DSC1: variants seen among roughly 807,000 people sequenced by gnomAD.
DSC1 encodes desmocollin-1.
A neutral mutation model predicts 98.8 loss-of-function variants in DSC1; 79 were observed. The ratio of observed to expected loss-of-function variants is 0.80; its 90% CI spans 0.67 to 0.96. The LOEUF (loss-of-function observed/expected upper bound fraction) is 0.96. Among genes scored for constraint, DSC1 ranks in the 50% least tolerant of loss-of-function variants. DSC1 has a pLI of 0.00. For missense variants in DSC1, 1,115 were observed against 1,075.9 expected (o/e 1.04, Z -0.51); for synonymous variants, 405 against 372.1 (o/e 1.09, Z -1.02).
intron 5 of DSC1, among the ~76,000 whole-genome samples, chr18:31,152,733 A>G (rs1340013604): frequency 1.3e-5 from 2 of 152,100 alleles, no homozygotes; most frequent in African/African-American, 4.8e-5. Context: ...AAAGGAACAG[A>G]TACTTAGGAT....
rs1242177382 is a variant in DSC1, at chr18:31,134,083, A to G, written c.1924T>C (p.Tyr642His). ...TCTTTTATTTGAATAGGCACAGAAT[A>G]ATAGTTATAATCAAGATTTTGCCGT... ...RQRQNLDYNY[Y>H]SVPIQIKDRH... The change falls in exon 13 of 16, where the codon TAT (tyrosine) becomes CAT (histidine). Residue 642 changes from tyrosine (Y) to histidine (H), a missense_variant. Coordinates refer to ENST00000257198, the MANE Select transcript of DSC1 (RefSeq NM_024421.2). 9 of 1,609,662 alleles carry G rather than the reference A, an allele frequency of 5.6e-6. No homozygotes were observed. The highest frequency in any genetic ancestry group is 1.7e-5 in the Admixed American group (1 of 59,954).
At chr18:31,138,621 A>ATT (rs1988662622) in intron 11 of DSC1, among the ~76,000 whole-genome samples, 1 of 152,028 alleles carries the variant, frequency 6.6e-6, no homozygotes, top group Admixed American at 6.6e-5. Context: ...TGTTATTAAA[A>ATT]AAAAAAACAA....
chr18:31,140,407 AC>A (rs1176206444), intron 9 of DSC1, 106 bp from the exon 10 acceptor site: 1 of 1,260,192 alleles, frequency 7.9e-7, no homozygotes, highest in East Asian at 2.6e-5. Context: ...TTAAAATGTA[AC>A]CTAAAGTTAG....
intron 1 of DSC1, among the ~76,000 whole-genome samples, chr18:31,162,311 A>T (rs1989224774): frequency 6.6e-6 from 1 of 152,174 alleles, no homozygotes; most frequent in East Asian, 1.9e-4. Context: ...AAAACTTTTA[A>T]CACTCTGGCA....
chr18:31,155,464 T>C (rs575017491), intron 4 of DSC1, among the ~76,000 whole-genome samples: 1 of 151,592 alleles, frequency 6.6e-6, no homozygotes, highest in South Asian at 2.1e-4. Context: ...ACCTTGCCTC[T>C]ACTAAAAATA....
At chr18:31,146,723 G>T (rs545576417) in intron 6 of DSC1, among the ~76,000 whole-genome samples, 1 of 152,226 alleles carries the variant, frequency 6.6e-6, no homozygotes, top group Admixed American at 6.5e-5. Context: ...AAGTGTTCAT[G>T]GACCATTTTT....
In DSC1 at chr18:31,143,683, T is replaced by G; in HGVS notation, c.1048A>C (p.Asn350His). The G allele has an allele frequency of 6.3e-7, 1 of 1,589,630 alleles. No homozygotes were observed. The highest frequency in any genetic ancestry group is 8.6e-7 in the Non-Finnish European group (1 of 1,167,344). Reference sequence around the variant, plus strand: ...GAAGTTTCTGTGAAAGATGGTGGATTGTCATTTTCATCCTCAAGTGAAATA... The same window carrying G: ...GAAGTTTCTGTGAAAGATGGTGGATGGTCATTTTCATCCTCAAGTGAAATA... ...ITISLEDEND[N>H]PPSFTETSYV... The change falls in exon 8 of 16, where the codon AAT becomes CAT. Residue 350 changes from asparagine to histidine, a missense_variant. By Grantham distance (68) the Asn-to-His change is moderately conservative. Coordinates refer to ENST00000257198, the MANE Select transcript of DSC1 (RefSeq NM_024421.2).
In DSC1 at chr18:31,130,316, A is replaced by T. The variant is rs1988456120; in HGVS notation, c.*198T>A. On this transcript the variant is annotated 3_prime_UTR_variant, in exon 16 of 16. Transcript: ENST00000257198. ...TGCATATAAAAGAGAATTAACAAAC[A>T]AAACCTTGATTTCTAGAGAACATGG... 1 of 635,526 alleles carries T rather than the reference A, an allele frequency of 1.6e-6. No homozygotes were observed. The highest frequency in any genetic ancestry group is 1.8e-5 in the African/African-American group (1 of 54,430). The allele number at this position is 635,526 out of a possible 1,614,324, so 39.4% of individuals were successfully genotyped here. A position where few individuals can be genotyped will look rare whatever the true frequency, so the allele number is the denominator to read the frequency against.
rs747547503 is a variant in DSC1, at chr18:31,150,093, A to G, written c.628-1451T>C. ...CACCACCACCATCAGCAGCAGCTCC[A>G]TCATCATCATGACACTGCCATCACC... On this transcript the variant is annotated intron_variant, in intron 5 of 15. Coordinates refer to ENST00000257198, the MANE Select transcript of DSC1 (RefSeq NM_024421.2). 6.7e-3 allele frequency among the ~76,000 whole-genome samples: 1,006 copies of G among 150,994 alleles called. 4 individuals are homozygous for G. Among genetic ancestry groups the G allele is most frequent in the Non-Finnish European group, 0.011 (720 of 67,756 alleles).
chr18:31,161,927 C>T (rs1989216967), intron 1 of DSC1, among the ~76,000 whole-genome samples: 1 of 152,004 alleles, frequency 6.6e-6, no homozygotes, highest in African/African-American at 2.4e-5. Flanking sequence ...TGAAATAACC[C>T]CCCTCTCTTC....
intron 1 of DSC1, 99 bp downstream of exon 1, chr18:31,162,433 G>A: frequency 9.0e-7 from 1 of 1,109,764 alleles, no homozygotes; most frequent in Middle Eastern, 2.0e-4. Flanking sequence ...TCTCTTCTCT[G>A]CCTCCCATCC....
chr18:31,159,671 T>G (rs1598633093), intron 1 of DSC1, 142 bp from the exon 2 acceptor site: 3 of 799,472 alleles, frequency 3.8e-6, no homozygotes, highest in East Asian at 2.8e-5. Context: ...AATACTCACT[T>G]TAAAAGGAAC....
rs1260595195 is a variant in DSC1, at chr18:31,132,619, G to A, written c.2187C>T (p.Ala729=). The A allele has an allele frequency of 3.7e-6, 6 of 1,613,356 alleles. No homozygotes were observed. The highest frequency in any genetic ancestry group is 5.1e-6 in the Non-Finnish European group (6 of 1,179,628). Residue 729 remains alanine, a synonymous_variant, in exon 14 of 16, where the codon GCC becomes GCT. Coordinates refer to ENST00000257198, the MANE Select transcript of DSC1 (RefSeq NM_024421.2). ...TATTTGATACAATTAAATTTTGCTG[G>A]GCTATGTCTTCTGGAAAACATTTCT... ...TVKKCFPEDI[A]QQNLIVSNTE... is the part of the protein sequence containing the mutation.
rs1353795462 is a variant in DSC1, at chr18:31,132,782, T to A, written c.2117-93A>T. The A allele has an allele frequency of 2.5e-6, 3 of 1,207,564 alleles. No homozygotes were observed. In the African/African-American group the frequency reaches 4.6e-5, roughly 18 times the overall value. The allele number at this position is 1,207,564 out of a possible 1,614,324, so 74.8% of individuals were successfully genotyped here. A position where few individuals can be genotyped will look rare whatever the true frequency, so the allele number is the denominator to read the frequency against. The stretch of plus-strand genomic sequence containing the variant: ...TCTTCTTGCATATGTCTCAAAAAAT[T>A]CATTCCACAAATTGAGCTCTTCAGG... On this transcript the variant is annotated intron_variant, in intron 13 of 15. Coordinates refer to ENST00000257198, the MANE Select transcript of DSC1 (RefSeq NM_024421.2).
chr18:31,148,957 C>T (rs1304436980), intron 5 of DSC1, among the ~76,000 whole-genome samples: 1 of 152,088 alleles, frequency 6.6e-6, no homozygotes, highest in African/African-American at 2.4e-5. Context: ...GTCATTAACA[C>T]GTGTTTTTAA....
chr18:31,146,282 T>C (rs1251947049), intron 6 of DSC1, among the ~76,000 whole-genome samples: 15 of 152,162 alleles, frequency 9.9e-5, no homozygotes, highest in Admixed American at 9.8e-4. Flanking sequence ...TGTTCCCATT[T>C]TTGTGTCTAT....
chr18:31,131,698 C>T lies in DSC1; in HGVS notation c.2383G>A (p.Gly795Ser), dbSNP rs765405596. 12 of 1,614,106 alleles carry T rather than the reference C, an allele frequency of 7.4e-6. No homozygotes were observed. Among genetic ancestry groups the T allele is most frequent in the South Asian group, 2.2e-5 (2 of 91,076 alleles). The part of the protein sequence containing the change: ...GGYTLDSNKG[G>S]GHQTLESVKG... The stretch of plus-strand genomic sequence containing the variant: ...ACGGACTCCAAGGTCTGATGTCCAC[C>T]TCCTTTGTTGGAATCCAAAGTGTAG... Residue 795 changes from glycine to serine, a missense_variant, in exon 15 of 16, where the codon GGT becomes AGT. Gly to Ser is a moderately conservative substitution (Grantham distance 56). Coordinates refer to ENST00000257198, the MANE Select transcript of DSC1 (RefSeq NM_024421.2).
chr18:31,132,393 T>G, intron 14 of DSC1, 175 bp downstream of exon 14: 1 of 784,054 alleles, frequency 1.3e-6, no homozygotes, highest in Non-Finnish European at 2.0e-6. Flanking sequence ...GTGACAGCCC[T>G]AGCCCTGTAG....
Position 31,130,297 on chromosome 18 carries a change from T to A in DSC1, c.*217A>T. The A allele has an allele frequency of 3.4e-6, 2 of 590,590 alleles. No homozygotes were observed. The highest frequency in any genetic ancestry group is 5.9e-6 in the Non-Finnish European group (2 of 338,774). The allele number at this position is 590,590 out of a possible 1,614,324, so 36.6% of individuals were successfully genotyped here. A position where few individuals can be genotyped will look rare whatever the true frequency, so the allele number is the denominator to read the frequency against. ...GAAAAGGGCAATATATACATGCATA[T>A]AAAAGAGAATTAACAAACAAAACCT... On this transcript the variant is annotated 3_prime_UTR_variant, in exon 16 of 16. Transcript: ENST00000257198.
Sources: gnomAD v4.1 joint callset for allele counts (sites outside exome capture counted in the v4.1 genomes callset) on GRCh38, gnomAD v4.1.1 for gene constraint, MANE v1.5 for transcripts, NCBI Gene and HGNC (gene_info 2026-07-23, HGNC 2026-07-21) for gene names.